SLC4A4: variants seen among roughly 807,000 people sequenced by gnomAD.
SLC4A4 encodes electrogenic sodium bicarbonate cotransporter 1.
SLC4A4 carries 27 observed loss-of-function variants against 111.5 expected under a neutral mutation model. The observed-to-expected ratio is 0.24, with a 90% CI of 0.18 to 0.33. The LOEUF (loss-of-function observed/expected upper bound fraction) is 0.33. SLC4A4 is among the 10% of genes least tolerant of loss of function. The probability of loss-of-function intolerance (pLI) is 1.00; values close to 1 mark genes in which losing one functional copy is unlikely to be tolerated. For synonymous variants in SLC4A4, 443 were observed against 463.4 expected (o/e 0.96, Z 0.57); for missense variants, 909 against 1,315.5 (o/e 0.69, Z 4.78).
chr4:71,198,294 TC>T (rs1361961808), intron 1 of SLC4A4, among the ~76,000 whole-genome samples: 2 of 152,234 alleles, frequency 1.3e-5, no homozygotes, highest in African/African-American at 4.8e-5. Context: ...TCTCAGTGTT[TC>T]ACTACTCCTT....
rs116954693 is a variant in SLC4A4 at position 71,099,566 on chromosome 4, G to A, written c.-2+6774G>A. 1.0e-3 allele frequency among the ~76,000 whole-genome samples: 153 copies of A among 152,144 alleles called. 1 individual carries two copies. The East Asian group carries it at 0.026, about 26-fold the overall frequency. On this transcript the variant is annotated intron_variant, in intron 2 of 26. Transcript: ENST00000649996. ...TAAGAGCAAACCAACCCCAATGCTA[G>A]CAGAAGACAAGAAATAACCCAAATC...
At chr4:71,365,142 TGTCA>T (rs1208541025) in intron 6 of SLC4A4, among the ~76,000 whole-genome samples, 3 of 152,234 alleles carry the variant, frequency 2.0e-5, no homozygotes, top group Admixed American at 6.5e-5. Flanking sequence ...TTTTACTAGT[TGTCA>T]GTCTGTTTTA....
intron 1 of SLC4A4, among the ~76,000 whole-genome samples, chr4:71,086,661 A>G (rs1742185341): frequency 6.6e-6 from 1 of 152,024 alleles, no homozygotes; most frequent in Non-Finnish European, 1.5e-5. Flanking sequence ...TATTGAGATA[A>G]TCGTATGGTT....
chr4:71,216,282 T>C (rs1718428757), intron 1 of SLC4A4, among the ~76,000 whole-genome samples: 1 of 152,238 alleles, frequency 6.6e-6, no homozygotes. Flanking sequence ...GAAATAACAT[T>C]TTTTTCTTGC....
intron 21 of SLC4A4, among the ~76,000 whole-genome samples, chr4:71,555,676 T>A (rs1352086564): frequency 6.6e-6 from 1 of 151,980 alleles, no homozygotes; most frequent in Non-Finnish European, 1.5e-5. Flanking sequence ...GTCAATGTGG[T>A]TGATGTATTG....
At chr4:71,065,721 A>G (rs1220809786) in intron 1 of SLC4A4, among the ~76,000 whole-genome samples, 2 of 151,898 alleles carry the variant, frequency 1.3e-5, no homozygotes, top group Non-Finnish European at 1.5e-5. Context: ...CCTTCCCTTC[A>G]CTCGACAATT....
chr4:71,154,220 T>C (rs1459407141), intron 2 of SLC4A4, among the ~76,000 whole-genome samples: 1 of 152,174 alleles, frequency 6.6e-6, no homozygotes, highest in Non-Finnish European at 1.5e-5. Flanking sequence ...AATGAGCTTA[T>C]GGCTATGGCT....
chr4:71,376,701 G>A (rs574094397), intron 6 of SLC4A4, among the ~76,000 whole-genome samples: 20 of 151,416 alleles, frequency 1.3e-4, no homozygotes, highest in South Asian at 2.1e-4. Context: ...GCAGTGGTGC[G>A]ATCTGTCTCA....
chr4:71,292,599 G>C (rs1318947971), intron 3 of SLC4A4, among the ~76,000 whole-genome samples: 2 of 152,032 alleles, frequency 1.3e-5, no homozygotes, highest in Non-Finnish European at 2.9e-5. Flanking sequence ...TGGATTGCCT[G>C]GGATTCTGAA....
chr4:71,563,780 A>AT lies in SLC4A4; in HGVS notation c.3100-6dup, dbSNP rs753934898. On this transcript the variant is annotated splice_polypyrimidine_tract_variant and intron_variant, in intron 23 of 25. Coordinates refer to ENST00000264485, the MANE Select transcript of SLC4A4 (RefSeq NM_001098484.3). ...AAAAACATTCTAAAACCTCTTGTAC[A>AT]TTTTTTTCACAGTCTGACTGCCCAT... is the stretch of plus-strand genomic sequence containing the variant. 3.9e-5 allele frequency: 61 copies of AT among 1,551,552 alleles called. No individual in the cohort carries two copies. The highest frequency in any genetic ancestry group is 5.3e-5 in the Non-Finnish European group (60 of 1,123,964).
intron 3 of SLC4A4, among the ~76,000 whole-genome samples, chr4:71,325,786 G>C (rs530664988): frequency 6.6e-6 from 1 of 151,946 alleles, no homozygotes; most frequent in Non-Finnish European, 1.5e-5. Flanking sequence ...GGTTATACAA[G>C]TATAAAGATG....
intron 2 of SLC4A4, among the ~76,000 whole-genome samples, chr4:71,109,390 A>G (rs1039724981): frequency 3.3e-5 from 5 of 151,700 alleles, no homozygotes; most frequent in African/African-American, 1.2e-4. Flanking sequence ...AGTCACTTCA[A>G]CCAAAGGGAG....
At chr4:71,212,218 C>G (rs1169168181) in intron 1 of SLC4A4, among the ~76,000 whole-genome samples, 1 of 152,170 alleles carries the variant, frequency 6.6e-6, no homozygotes, top group African/African-American at 2.4e-5. Flanking sequence ...TTCTTTATCT[C>G]TATTGTTACT....
chr4:71,201,807 A>G (rs1578587096), intron 1 of SLC4A4, among the ~76,000 whole-genome samples: 1 of 152,202 alleles, frequency 6.6e-6, no homozygotes, highest in African/African-American at 2.4e-5. Flanking sequence ...TTAACATATA[A>G]TGTGTTTTTG....
intron 6 of SLC4A4, among the ~76,000 whole-genome samples, chr4:71,393,311 G>T (rs1405708410): frequency 1.3e-5 from 2 of 152,176 alleles, no homozygotes; most frequent in Non-Finnish European, 2.9e-5. Context: ...AAAGATTTCA[G>T]CAAATTTTCT....
rs138059694 is a variant in SLC4A4, at chr4:71,068,061, C to CTTTTTTTTTTTTTTTTTTTTT, written c.-65+5273_-65+5274insTTTTTTTTTTTTTTTTTTTTT. Among the ~76,000 whole-genome samples, 3 of 132,374 alleles carry CTTTTTTTTTTTTTTTTTTTTT rather than the reference C, an allele frequency of 2.3e-5. 1 individual carries two copies. 86.8% of individuals were successfully genotyped at this position (132,374 alleles called of 152,430 possible). A position where few individuals can be genotyped will look rare whatever the true frequency, so the allele number is the denominator to read the frequency against. On this transcript the variant is annotated intron_variant, in intron 1 of 26. Coordinates refer to the SLC4A4 transcript ENST00000649996. The stretch of plus-strand genomic sequence containing the variant: ...ACTGCATATGGCCTTTTTGAACAAA[C>CTTTTTTTTTTTTTTTTTTTTT]GTTTTTTTTTTTTTTTTTTTGAGAT...
chr4:71,560,104 T>G lies in SLC4A4; in HGVS notation c.2949T>G (p.Leu983=). 1 of 1,610,364 alleles carries G rather than the reference T, an allele frequency of 6.2e-7. No homozygotes were observed. The change falls in exon 23 of 26, where the codon CTT becomes CTG. Residue 983 remains leucine (L), a synonymous_variant. Transcript: ENST00000264485. ...ATTTGCTCTTTCAGATCTTGGCACT[T>G]GTAGCTGTCAGAAAAGGCATGGACT... ...AIIFPVMILA[L]VAVRKGMDYL... is the part of the protein sequence containing the mutation.
intron 14 of SLC4A4, among the ~76,000 whole-genome samples, chr4:71,475,695 C>A (rs1221611249): frequency 2.6e-5 from 4 of 151,880 alleles, no homozygotes; most frequent in Non-Finnish European, 4.4e-5. Flanking sequence ...AGTTCCTTTT[C>A]CCAAGGTATA....
At chr4:71,364,160 A>G (rs1216690969) in intron 6 of SLC4A4, among the ~76,000 whole-genome samples, 1 of 152,198 alleles carries the variant, frequency 6.6e-6, no homozygotes, top group Non-Finnish European at 1.5e-5. Context: ...TTTGACATTG[A>G]AGGCCTACTT....
Sources: allele counts gnomAD v4.1 joint callset (sites outside exome capture counted in the v4.1 genomes callset), GRCh38; gene constraint gnomAD v4.1.1; transcripts MANE v1.5; gene names NCBI Gene and HGNC (gene_info 2026-07-23, HGNC 2026-07-21).